The following MB21D2 variants were observed in gnomAD, a reference collection of about 807,000 sequenced individuals.
MB21D2 encodes Mab-21 domain containing 2.
MB21D2 carries 9 observed loss-of-function variants against 33.3 expected under a neutral mutation model. The ratio of observed to expected loss-of-function variants is 0.27; its 90% confidence interval spans 0.16 to 0.47. MB21D2 has a LOEUF of 0.47. Among genes scored for constraint, MB21D2 ranks in the 20% least tolerant of loss-of-function variants. MB21D2 has a pLI of 0.99. For synonymous variants in MB21D2, 241 were observed against 236.3 expected, an observed-to-expected ratio of 1.02 and a Z score of -0.18; for missense variants, 540 against 624.6, an observed-to-expected ratio of 0.86 and a Z score of 1.44.
intron 1 of MB21D2, among the ~76,000 whole-genome samples, chr3:192,805,479 A>T (rs1711642657): frequency 6.6e-6 from 1 of 152,180 alleles, no homozygotes; most frequent in South Asian, 2.1e-4. Flanking sequence ...TTTTTTTAGA[A>T]GACTGATTAA....
intron 1 of MB21D2, among the ~76,000 whole-genome samples, chr3:192,870,519 A>G (rs1417409515): frequency 6.6e-6 from 1 of 151,712 alleles, no homozygotes; most frequent in Non-Finnish European, 1.5e-5. Flanking sequence ...GTGAAACCCC[A>G]CCTTTACTAA....
intron 1 of MB21D2, among the ~76,000 whole-genome samples, chr3:192,912,673 CA>C (rs199707656): frequency 5.6e-5 from 8 of 143,458 alleles, no homozygotes; most frequent in African/African-American, 5.1e-5. Context: ...AACTGTATCT[CA>C]AAAAAAAAAG....
chr3:192,878,918 T>C (rs1368020503), intron 1 of MB21D2, among the ~76,000 whole-genome samples: 1 of 152,176 alleles, frequency 6.6e-6, no homozygotes, highest in African/African-American at 2.4e-5. Context: ...GAGTCAAGAC[T>C]GTGCCACTGC....
intron 1 of MB21D2, among the ~76,000 whole-genome samples, chr3:192,823,587 A>C (rs1330960558): frequency 1.3e-5 from 2 of 152,150 alleles, no homozygotes; most frequent in Non-Finnish European, 2.9e-5. Flanking sequence ...CCTGGGAGGC[A>C]GAGGTTGCAG....
intron 1 of MB21D2, among the ~76,000 whole-genome samples, chr3:192,890,887 A>G (rs897479654): frequency 9.9e-5 from 15 of 152,068 alleles, no homozygotes; most frequent in African/African-American, 3.1e-4. Context: ...AGAGGAAGAA[A>G]GAATGGTGAT....
intron 1 of MB21D2, among the ~76,000 whole-genome samples, chr3:192,812,520 G>A (rs1322906574): frequency 6.6e-6 from 1 of 152,134 alleles, no homozygotes; most frequent in African/African-American, 2.4e-5. Flanking sequence ...TCTTTATGGT[G>A]GATGAAACTG....
chr3:192,872,347 C>A (rs368786365), intron 1 of MB21D2, among the ~76,000 whole-genome samples: 492 of 152,156 alleles, frequency 3.2e-3, no homozygotes, highest in African/African-American at 0.011. Context: ...GAGGCCGAGG[C>A]GGGCAGATCA....
chr3:192,845,567 T>C (rs780611593), intron 1 of MB21D2, among the ~76,000 whole-genome samples: 4 of 152,352 alleles, frequency 2.6e-5, no homozygotes, highest in Middle Eastern at 3.4e-3. Flanking sequence ...CCTTAGCCCA[T>C]AATTCTCGCC....
chr3:192,826,336 T>C (rs1330578505), intron 1 of MB21D2, among the ~76,000 whole-genome samples: 1 of 152,166 alleles, frequency 6.6e-6, no homozygotes, highest in Non-Finnish European at 1.5e-5. Context: ...TGGATGACTA[T>C]AGTCAGGAAA....
chr3:192,870,249 T>C (rs76063597), intron 1 of MB21D2, among the ~76,000 whole-genome samples: 3,551 of 152,218 alleles, frequency 0.023, 153 homozygotes, highest in East Asian at 0.15. Flanking sequence ...TGTGTCTCTC[T>C]AGCAAATGGC....
At chr3:192,870,955 A>C (rs1423662356) in intron 1 of MB21D2, among the ~76,000 whole-genome samples, 2 of 152,164 alleles carry the variant, frequency 1.3e-5, no homozygotes, top group Non-Finnish European at 2.9e-5. Flanking sequence ...CCTCAGAGCA[A>C]ATGTTGGATG....
intron 1 of MB21D2, among the ~76,000 whole-genome samples, chr3:192,834,562 C>A (rs545500011): frequency 2.0e-5 from 3 of 152,026 alleles, no homozygotes; most frequent in Non-Finnish European, 4.4e-5. Flanking sequence ...GTGTCTTCTG[C>A]CACTACTTTT....
intron 1 of MB21D2, among the ~76,000 whole-genome samples, chr3:192,850,625 C>T (rs1306965555): frequency 6.6e-6 from 1 of 152,224 alleles, no homozygotes; most frequent in Non-Finnish European, 1.5e-5. Context: ...AACCTTTGGC[C>T]TCAGGCTCAG....
intron 1 of MB21D2, among the ~76,000 whole-genome samples, chr3:192,865,736 A>T (rs1414906941): frequency 6.6e-6 from 1 of 151,804 alleles, no homozygotes; most frequent in African/African-American, 2.4e-5. Flanking sequence ...TTCTGTGTTC[A>T]ACATATGATT....
chr3:192,821,387 C>T (rs1301621363), intron 1 of MB21D2, among the ~76,000 whole-genome samples: 1 of 152,146 alleles, frequency 6.6e-6, no homozygotes, highest in East Asian at 1.9e-4. Flanking sequence ...CACACCTGCT[C>T]CCACCTCATT....
At chr3:192,813,235 G>A (rs1711830458) in intron 1 of MB21D2, among the ~76,000 whole-genome samples, 2 of 151,868 alleles carry the variant, frequency 1.3e-5, no homozygotes, top group Admixed American at 1.3e-4. Context: ...CTGACAATGG[G>A]TTCCCAATGC....
chr3:192,811,557 C>T (rs1029582216), intron 1 of MB21D2, among the ~76,000 whole-genome samples: 2 of 152,146 alleles, frequency 1.3e-5, no homozygotes, highest in African/African-American at 4.8e-5. Context: ...GAACAATTCT[C>T]AAAAAGAGTT....
chr3:192,848,914 GAAAAC>G (rs372043805), intron 1 of MB21D2, among the ~76,000 whole-genome samples: 1 of 152,136 alleles, frequency 6.6e-6, no homozygotes, highest in African/African-American at 2.4e-5. Flanking sequence ...GAGAAGAAAA[GAAAAC>G]AAATGAATTC....
intron 1 of MB21D2, among the ~76,000 whole-genome samples, chr3:192,900,152 C>T (rs1234167797): frequency 1.5e-4 from 23 of 151,662 alleles, no homozygotes; most frequent in African/African-American, 4.8e-4. Context: ...GGCGTCGTGG[C>T]GGGCGCCTGT....
Sources: allele counts gnomAD v4.1 joint callset (sites outside exome capture counted in the v4.1 genomes callset), GRCh38; gene constraint gnomAD v4.1.1; transcripts MANE v1.5; gene names NCBI Gene and HGNC (gene_info 2026-07-23, HGNC 2026-07-21).